The following ASPH variants were observed in gnomAD, a reference collection of about 807,000 sequenced individuals.
ASPH encodes aspartyl/asparaginyl beta-hydroxylase.
In ASPH, 100 loss-of-function variants were observed where a neutral mutation model predicts 118.4. The ratio of observed to expected loss-of-function variants is 0.84; its 90% CI spans 0.72 to 1.00. The LOEUF (loss-of-function observed/expected upper bound fraction) is 1.00. Among genes scored for constraint, ASPH ranks in the 50% least tolerant of loss-of-function variants. The probability of loss-of-function intolerance (pLI) is 0.00; values close to 1 mark genes in which losing one functional copy is unlikely to be tolerated. For synonymous variants in ASPH, 315 were observed against 325.6 expected (o/e 0.97, Z 0.35); for missense variants, 920 against 919.5 (o/e 1.00, Z -0.01).
chr8:61,616,172 G>C (rs981024834), intron 14 of ASPH, among the ~76,000 whole-genome samples: 2 of 152,128 alleles, frequency 1.3e-5, no homozygotes, highest in African/African-American at 4.8e-5. Flanking sequence ...CCGTTGCAAT[G>C]ATTTTCTTTG....
intron 14 of ASPH, among the ~76,000 whole-genome samples, chr8:61,603,342 A>G (rs1238635638): frequency 6.6e-6 from 1 of 152,194 alleles, no homozygotes; most frequent in Non-Finnish European, 1.5e-5. Context: ...AATGGGACCT[A>G]AACAAGGTCC....
intron 1 of ASPH, among the ~76,000 whole-genome samples, chr8:61,694,502 A>C (rs1833460714): frequency 6.6e-6 from 1 of 152,192 alleles, no homozygotes; most frequent in African/African-American, 2.4e-5. Flanking sequence ...CATGTCATTA[A>C]ACCCAACGCA....
At chr8:61,507,030 G>A (rs1806861094) in intron 24 of ASPH, among the ~76,000 whole-genome samples, 1 of 152,076 alleles carries the variant, frequency 6.6e-6, no homozygotes, top group African/African-American at 2.4e-5. Context: ...GAAAATTCTA[G>A]CCCACACAAA....
intron 3 of ASPH, chr8:61,656,884 G>C (rs1813960871): frequency 6.6e-6 from 1 of 151,756 alleles, no homozygotes; most frequent in African/African-American, 2.4e-5. Context: ...CCCATAATGA[G>C]AAAGAATCAA....
chr8:61,518,931 G>A (rs1218637276), intron 22 of ASPH, among the ~76,000 whole-genome samples: 2 of 152,194 alleles, frequency 1.3e-5, no homozygotes, highest in Non-Finnish European at 2.9e-5. Flanking sequence ...AGAACCATAA[G>A]AGACCACTTT....
chr8:61,629,260 C>A (rs957311291), intron 13 of ASPH, among the ~76,000 whole-genome samples: 2 of 152,158 alleles, frequency 1.3e-5, no homozygotes, highest in African/African-American at 4.8e-5. Context: ...AAATTCTTTT[C>A]TGGCAGGGTA....
chr8:61,522,884 C>T (rs1813645501), intron 22 of ASPH, among the ~76,000 whole-genome samples: 2 of 152,118 alleles, frequency 1.3e-5, no homozygotes, highest in African/African-American at 4.8e-5. Flanking sequence ...TCCTTATGAC[C>T]TCATTTAATC....
At chr8:61,578,308 G>C in intron 15 of ASPH, 1 of 1,600,792 alleles carries the variant, frequency 6.2e-7, no homozygotes, top group Non-Finnish European at 8.5e-7. Context: ...AGTGGGCCCG[G>C]TGCCCACATC....
At chr8:61,667,460 G>A (rs1030822526) in intron 3 of ASPH, among the ~76,000 whole-genome samples, 3 of 152,010 alleles carry the variant, frequency 2.0e-5, no homozygotes, top group African/African-American at 7.2e-5. Context: ...TCTGCCTCCC[G>A]GGTTCAAGCG....
At chr8:61,543,064 A>G (rs556741126) in intron 21 of ASPH, among the ~76,000 whole-genome samples, 9 of 152,324 alleles carry the variant, frequency 5.9e-5, no homozygotes, top group African/African-American at 2.2e-4. Context: ...GAAAGTGAAA[A>G]TAAATTTTAA....
intron 3 of ASPH, among the ~76,000 whole-genome samples, chr8:61,679,959 CA>C (rs1160438352): frequency 7.1e-6 from 1 of 140,176 alleles, no homozygotes; most frequent in Non-Finnish European, 1.5e-5. Context: ...AAAAAAAAAA[CA>C]AAAAACACCA....
intron 3 of ASPH, among the ~76,000 whole-genome samples, chr8:61,654,610 CTTCT>C (rs1812711672): frequency 6.6e-6 from 1 of 152,156 alleles, no homozygotes; most frequent in Non-Finnish European, 1.5e-5. Flanking sequence ...ATGTATTACT[CTTCT>C]TTTTTATTAT....
At chr8:61,586,186 C>A (rs1372776846) in intron 14 of ASPH, among the ~76,000 whole-genome samples, 1 of 152,110 alleles carries the variant, frequency 6.6e-6, no homozygotes, top group African/African-American at 2.4e-5. Flanking sequence ...CTCTTTATTG[C>A]CTCTGTAACT....
At chr8:61,672,615 A>C in intron 3 of ASPH, among the ~76,000 whole-genome samples, 1 of 152,112 alleles carries the variant, frequency 6.6e-6, no homozygotes, top group African/African-American at 2.4e-5. Flanking sequence ...ATATGATATT[A>C]ATGAATATCA....
intron 13 of ASPH, among the ~76,000 whole-genome samples, chr8:61,621,356 G>T (rs1367583730): frequency 7.6e-6 from 1 of 131,352 alleles, no homozygotes; most frequent in Non-Finnish European, 1.7e-5. Context: ...GAAAAGAAAA[G>T]AAAATACACA....
At chr8:61,655,382 C>T (rs1813122239) in intron 3 of ASPH, among the ~76,000 whole-genome samples, 1 of 152,178 alleles carries the variant, frequency 6.6e-6, no homozygotes, top group Admixed American at 6.5e-5. Flanking sequence ...GCCTGAGACA[C>T]TCCCAGTTTA....
intron 2 of ASPH, among the ~76,000 whole-genome samples, chr8:61,681,450 A>T (rs1212717723): frequency 6.6e-6 from 1 of 151,810 alleles, no homozygotes; most frequent in Non-Finnish European, 1.5e-5. Context: ...CACACTATCA[A>T]TATCTGAACC....
chr8:61,695,638 C>T (rs925692137), intron 1 of ASPH, among the ~76,000 whole-genome samples: 1 of 152,218 alleles, frequency 6.6e-6, no homozygotes, highest in Non-Finnish European at 1.5e-5. Context: ...TACACTGCTA[C>T]TTAGACAACT....
At chr8:61,593,913 T>C (rs1276837784) in intron 14 of ASPH, among the ~76,000 whole-genome samples, 3 of 152,190 alleles carry the variant, frequency 2.0e-5, no homozygotes, top group Non-Finnish European at 2.9e-5. Context: ...ATTCTAATAA[T>C]CTTGGTGTTC....
Sources: allele counts gnomAD v4.1 joint callset (sites outside exome capture counted in the v4.1 genomes callset), GRCh38; gene constraint gnomAD v4.1.1; transcripts MANE v1.5; gene names NCBI Gene and HGNC (gene_info 2026-07-23, HGNC 2026-07-21).